NLGN1: variants seen among roughly 807,000 people sequenced by gnomAD.
NLGN1 encodes the protein neuroligin 1, also known as neuroligin-1.
A neutral mutation model predicts 65.5 loss-of-function variants in NLGN1; 12 were observed. The ratio of observed to expected loss-of-function variants is 0.18; its 90% CI spans 0.12 to 0.30. The LOEUF is 0.30. NLGN1 is among the 10% of genes least tolerant of loss of function. The probability of loss-of-function intolerance (pLI) is 1.00; values close to 1 mark genes in which losing one functional copy is unlikely to be tolerated. For synonymous variants in NLGN1, 350 were observed against 359.5 expected (o/e 0.97, Z 0.30); for missense variants, 750 against 1,007.1 (o/e 0.74, Z 3.46).
At chr3:174,263,549 C>A (rs1385950725) in intron 4 of NLGN1, among the ~76,000 whole-genome samples, 1 of 151,722 alleles carries the variant, frequency 6.6e-6, no homozygotes, top group Admixed American at 6.6e-5. Flanking sequence ...GATCTTCCTC[C>A]ATCCTTTTAT....
intron 4 of NLGN1, among the ~76,000 whole-genome samples, chr3:174,138,796 A>T (rs532812790): frequency 6.6e-6 from 1 of 152,128 alleles, no homozygotes; most frequent in South Asian, 2.1e-4. Context: ...TTTTTACAAG[A>T]TATTGAGTAT....
intron 4 of NLGN1, among the ~76,000 whole-genome samples, chr3:173,944,234 T>C (rs1746743241): frequency 6.6e-6 from 1 of 151,780 alleles, no homozygotes; most frequent in African/African-American, 2.4e-5. Flanking sequence ...CATTTTATAA[T>C]ATAAGGTGTA....
At chr3:173,663,487 G>T (rs940055851) in intron 3 of NLGN1, among the ~76,000 whole-genome samples, 2 of 151,856 alleles carry the variant, frequency 1.3e-5, no homozygotes, top group African/African-American at 2.4e-5. Flanking sequence ...AAATATATAT[G>T]GGAAAACACA....
intron 4 of NLGN1, among the ~76,000 whole-genome samples, chr3:174,027,315 T>G (rs1729044542): frequency 6.6e-6 from 1 of 152,122 alleles, no homozygotes; most frequent in Non-Finnish European, 1.5e-5. Flanking sequence ...TTATACCCTG[T>G]TCTCCAACAT....
In NLGN1 at chr3:173,599,088, T is replaced by C. The variant is rs182019715; in HGVS notation, c.-320-5191T>C. On this transcript the variant is annotated intron_variant, in intron 2 of 6. Transcript: ENST00000457714. ...AAGCCCATCTTAAATTTCCCTGGAT[T>C]CATGAACTCGTTTCTAATTTACTAG... is the stretch of plus-strand genomic sequence containing the variant. 8.5e-5 allele frequency among the ~76,000 whole-genome samples: 13 copies of C among 152,268 alleles called. No individual in the cohort carries two copies. The East Asian group carries it at 2.5e-3, about 29-fold the overall frequency.
intron 3 of NLGN1, among the ~76,000 whole-genome samples, chr3:173,765,643 T>C (rs1318363387): frequency 6.6e-6 from 1 of 152,182 alleles, no homozygotes; most frequent in African/African-American, 2.4e-5. Flanking sequence ...TGTTCCAATC[T>C]CTCTCTATAA....
At chr3:173,410,225 G>A (rs183145013) in intron 1 of NLGN1, among the ~76,000 whole-genome samples, 185 of 152,258 alleles carry the variant, frequency 1.2e-3, no homozygotes, top group Middle Eastern at 0.01. Flanking sequence ...GTATAGGGCC[G>A]TTATGGGAAT....
At chr3:173,500,825 TATCCTGGGCTTATGCTTCACA>T (rs557133840) in intron 2 of NLGN1, among the ~76,000 whole-genome samples, 17 of 152,262 alleles carry the variant, frequency 1.1e-4, no homozygotes, top group African/African-American at 4.1e-4. Flanking sequence ...GCTCCCAAGA[TATCCTGGGCTTATGCTTCACA>T]ACACTGAGCC....
chr3:173,678,590 T>C (rs4894623), intron 3 of NLGN1, among the ~76,000 whole-genome samples: 4,305 of 152,150 alleles, frequency 0.028, 89 homozygotes, highest in Middle Eastern at 0.044. Context: ...TGGTTCGTTA[T>C]GGCTATAGCG....
intron 4 of NLGN1, among the ~76,000 whole-genome samples, chr3:174,164,216 T>C (rs964001098): frequency 4.6e-5 from 7 of 152,132 alleles, no homozygotes; most frequent in African/African-American, 1.7e-4. Flanking sequence ...TGTACGTGTT[T>C]GTTGGCTACT....
intron 1 of NLGN1, among the ~76,000 whole-genome samples, chr3:173,403,582 C>G (rs999552627): frequency 6.6e-6 from 1 of 152,122 alleles, no homozygotes; most frequent in Non-Finnish European, 1.5e-5. Context: ...GAGCATCTCT[C>G]TCATTGAACA....
At chr3:174,174,262 T>A (rs1229999379) in intron 4 of NLGN1, among the ~76,000 whole-genome samples, 1 of 152,046 alleles carries the variant, frequency 6.6e-6, no homozygotes, top group Non-Finnish European at 1.5e-5. Flanking sequence ...TTTTTGCAAG[T>A]GTAATTGTGC....
chr3:173,955,961 A>G (rs1460653380), intron 4 of NLGN1, among the ~76,000 whole-genome samples: 1 of 152,142 alleles, frequency 6.6e-6, no homozygotes, highest in Non-Finnish European at 1.5e-5. Context: ...GAAAAAATAA[A>G]TTATAATCTG....
chr3:173,606,573 T>C (rs1383975515), intron 3 of NLGN1, among the ~76,000 whole-genome samples: 3 of 152,068 alleles, frequency 2.0e-5, no homozygotes, highest in African/African-American at 7.2e-5. Flanking sequence ...GATTTCATTA[T>C]AGCATCCTTG....
chr3:173,430,440 T>C (rs990844581), intron 1 of NLGN1, among the ~76,000 whole-genome samples: 1 of 152,230 alleles, frequency 6.6e-6, no homozygotes, highest in Non-Finnish European at 1.5e-5. Context: ...TGGAATTGTC[T>C]GATATTTCTT....
At chr3:173,826,539 C>T (rs1338273383) in intron 4 of NLGN1, among the ~76,000 whole-genome samples, 4 of 152,100 alleles carry the variant, frequency 2.6e-5, no homozygotes, top group Non-Finnish European at 5.9e-5. Context: ...TCTGATTTCT[C>T]AGAGATTTAT....
chr3:173,972,834 T>C (rs1365111847), intron 4 of NLGN1, among the ~76,000 whole-genome samples: 1 of 152,116 alleles, frequency 6.6e-6, no homozygotes, highest in Non-Finnish European at 1.5e-5. Context: ...AAAATTGTTA[T>C]ACATCCAACT....
At chr3:173,665,281 C>G (rs1212171390) in intron 3 of NLGN1, among the ~76,000 whole-genome samples, 3 of 152,052 alleles carry the variant, frequency 2.0e-5, no homozygotes, top group Non-Finnish European at 2.9e-5. Flanking sequence ...GGACTTTTCT[C>G]CCCTGTGTTC....
chr3:173,543,481 C>T (rs536642219), intron 2 of NLGN1, among the ~76,000 whole-genome samples: 38 of 152,144 alleles, frequency 2.5e-4, no homozygotes, highest in South Asian at 1.2e-3. Context: ...TGGGGTAAAA[C>T]AGTTCTTGAG....
Sources: gnomAD v4.1 joint callset for allele counts (sites outside exome capture counted in the v4.1 genomes callset) on GRCh38, gnomAD v4.1.1 for gene constraint, MANE v1.5 for transcripts, NCBI Gene and HGNC (gene_info 2026-07-23, HGNC 2026-07-21) for gene names.